THSD7A: variants seen among roughly 807,000 people sequenced by gnomAD.
The protein encoded by THSD7A is thrombospondin type-1 domain-containing protein 7A.
In THSD7A, 96 loss-of-function variants were observed where a neutral mutation model predicts 231.3. The observed-to-expected ratio is 0.41, with a 90% CI of 0.35 to 0.49. The LOEUF (loss-of-function observed/expected upper bound fraction) is 0.49. THSD7A is among the 20% of genes least tolerant of loss of function. The pLI, the probability that THSD7A is intolerant of heterozygous loss-of-function variation, is 0.05. For missense variants in THSD7A, 2,290 were observed against 2,070.2 expected, an observed-to-expected ratio of 1.11 and a Z score of -2.06; for synonymous variants, 940 against 743.3, an observed-to-expected ratio of 1.26 and a Z score of -4.30.
At chr7:11,501,657 A>T (rs1583859126) in intron 6 of THSD7A, among the ~76,000 whole-genome samples, 1 of 152,180 alleles carries the variant, frequency 6.6e-6, no homozygotes, top group Non-Finnish European at 1.5e-5. Flanking sequence ...TCATAGCACT[A>T]AAATGCCCAC....
intron 4 of THSD7A, among the ~76,000 whole-genome samples, chr7:11,557,095 T>A (rs1789878796): frequency 6.6e-6 from 1 of 152,016 alleles, no homozygotes; most frequent in African/African-American, 2.4e-5. Context: ...GGAATTCCAA[T>A]GACATGAATG....
chr7:11,652,255 G>A (rs1279130895), intron 1 of THSD7A, among the ~76,000 whole-genome samples: 3 of 151,882 alleles, frequency 2.0e-5, no homozygotes, highest in African/African-American at 4.8e-5. Context: ...AAAAAGAGAG[G>A]AAAAAATGTC....
chr7:11,460,846 G>A, intron 10 of THSD7A, 81 bp from the exon 11 acceptor site: 3 of 1,110,506 alleles, frequency 2.7e-6, no homozygotes, highest in Admixed American at 2.1e-5. Flanking sequence ...ATGGAAACAT[G>A]ACTTTGACCA....
intron 1 of THSD7A, among the ~76,000 whole-genome samples, chr7:11,682,065 T>C (rs1386073420): frequency 5.9e-5 from 9 of 151,974 alleles, no homozygotes; most frequent in Non-Finnish European, 1.0e-4. Context: ...CTAAGGGAGT[T>C]TGTTACCATC....
intron 1 of THSD7A, among the ~76,000 whole-genome samples, chr7:11,828,173 G>T (rs992006016): frequency 6.6e-6 from 1 of 152,136 alleles, no homozygotes; most frequent in Non-Finnish European, 1.5e-5. Context: ...CTACTTATAA[G>T]TTAAAGTCCA....
At chr7:11,662,610 G>A (rs1010897205) in intron 1 of THSD7A, among the ~76,000 whole-genome samples, 3 of 151,302 alleles carry the variant, frequency 2.0e-5, no homozygotes, top group African/African-American at 4.8e-5. Flanking sequence ...ACTGCATAAC[G>A]AATACCATTT....
chr7:11,644,556 G>A (rs994245842), intron 1 of THSD7A, among the ~76,000 whole-genome samples: 2 of 151,904 alleles, frequency 1.3e-5, no homozygotes, highest in African/African-American at 4.8e-5. Context: ...AGAGATCACT[G>A]TAGATGTCAA....
chr7:11,452,078 A>G (rs1785164895), intron 11 of THSD7A, among the ~76,000 whole-genome samples: 1 of 152,012 alleles, frequency 6.6e-6, no homozygotes, highest in Non-Finnish European at 1.5e-5. Flanking sequence ...CTGTGACCTT[A>G]TTATTAAACT....
chr7:11,571,680 C>A lies in THSD7A; in HGVS notation c.1453+18780G>T, dbSNP rs897181243. On this transcript the variant is annotated intron_variant, in intron 4 of 27. Transcript: ENST00000423059. ...CGTTTGTCATGCTCACTTTTGAAGA[C>A]TATTTTCACCAAATGTAGTCGTTCA... 3.9e-5 allele frequency among the ~76,000 whole-genome samples: 6 copies of A among 152,298 alleles called. 2 individuals carry two copies. Among genetic ancestry groups the A allele is most frequent in the Admixed American group, 6.5e-5 (1 of 15,304 alleles).
In THSD7A at chr7:11,459,665, A is replaced by ATTTT. The variant is rs34415355; in HGVS notation, c.2605+993_2605+996dup. 5.0e-4 allele frequency among the ~76,000 whole-genome samples: 20 copies of ATTTT among 39,916 alleles called. 2 individuals carry two copies. The highest frequency in any genetic ancestry group is 7.3e-4 in the African/African-American group (12 of 16,508). 26.2% of individuals were successfully genotyped at this position (39,916 alleles called of 152,430 possible). On this transcript the variant is annotated intron_variant, in intron 11 of 27. Transcript: ENST00000423059. The stretch of plus-strand genomic sequence containing the variant: ...AAAAGGAAGATTATAAAAACAGGGG[A>ATTTT]TTTTTTTTTTTTTTTTTTTTTTTTT...
In THSD7A at chr7:11,814,761, A is replaced by G. The variant is rs1784628785; in HGVS notation, c.190+16996T>C. ...CAAAGCTCTCCTTATGAATTATTTG[A>G]TTTCATAAATCCAAATCCATTTTGA... On this transcript the variant is annotated intron_variant, in intron 1 of 27. Coordinates refer to ENST00000423059, the MANE Select transcript of THSD7A (RefSeq NM_015204.3). This position sits in a 1 kb window ranked among gnomAD's most constrained non-coding sequence, Gnocchi z 5.1. Among the ~76,000 whole-genome samples, 1 of 152,174 alleles carries G rather than the reference A, an allele frequency of 6.6e-6. No homozygotes were observed. The highest frequency in any genetic ancestry group is 2.1e-4 in the South Asian group (1 of 4,838).
rs537058176 is a variant in THSD7A at position 11,783,355 on chromosome 7, A to G, written c.190+48402T>C. ...GTTGCATATCTCATATAATTTACTG[A>G]AAGTGAAAAACAGAATGGTTGTGTA... On this transcript the variant is annotated intron_variant, in intron 1 of 27. Coordinates refer to ENST00000423059, the MANE Select transcript of THSD7A (RefSeq NM_015204.3). Among the ~76,000 whole-genome samples the G allele has an allele frequency of 3.9e-5, 6 of 152,294 alleles. No individual in the cohort carries two copies. In the East Asian group the frequency reaches 9.6e-4, roughly 24 times the overall value.
In THSD7A at chr7:11,533,198, G is replaced by A. The variant is rs116215999; in HGVS notation, c.1822+8221C>T. ...ATTTAGACTTGGAGAAATTCAGACA[G>A]TTCAGAGTGAAAAAAATGTCCTCTG... On this transcript the variant is annotated intron_variant, in intron 6 of 27. Transcript: ENST00000423059. Among the ~76,000 whole-genome samples, 659 of 152,276 alleles carry A rather than the reference G, an allele frequency of 4.3e-3. 6 individuals are homozygous for A. Among genetic ancestry groups the A allele is most frequent in the African/African-American group, 0.015 (619 of 41,568 alleles).
rs1785178001 is a variant in THSD7A, at chr7:11,831,079, T to C, written c.190+678A>G. ...CTCCAAGCATTTTGCCAATGGGTAATGATGGGCAGTTAGTAGCTGCTTTTG... is the reference window on the plus strand; with the variant it reads ...CTCCAAGCATTTTGCCAATGGGTAACGATGGGCAGTTAGTAGCTGCTTTTG... On this transcript the variant is annotated intron_variant, in intron 1 of 27. Transcript: ENST00000423059. The surrounding 1 kb of genome is among the most constrained non-coding windows in gnomAD (Gnocchi z 5.0). Among the ~76,000 whole-genome samples the C allele has an allele frequency of 6.6e-6, 1 of 152,156 alleles. No individual in the cohort carries two copies. The highest frequency in any genetic ancestry group is 2.4e-5 in the African/African-American group (1 of 41,430).
intron 1 of THSD7A, among the ~76,000 whole-genome samples, chr7:11,750,387 AATC>A (rs1782458766): frequency 6.6e-6 from 1 of 151,930 alleles, no homozygotes; most frequent in Admixed American, 6.6e-5. Flanking sequence ...CTATTAGTGT[AATC>A]ATCATGTGAA....
At chr7:11,561,822 G>A (rs969020368) in intron 4 of THSD7A, among the ~76,000 whole-genome samples, 2 of 152,070 alleles carry the variant, frequency 1.3e-5, no homozygotes, top group African/African-American at 4.8e-5. Flanking sequence ...CTGCATTCCA[G>A]CTTGGGCAAC....
At chr7:11,699,064 C>T (rs1204802319) in intron 1 of THSD7A, among the ~76,000 whole-genome samples, 2 of 148,992 alleles carry the variant, frequency 1.3e-5, no homozygotes, top group Admixed American at 6.7e-5. Context: ...AGTCCAAATA[C>T]AGCACTTTTT....
At chr7:11,496,914 A>T (rs183168856) in intron 6 of THSD7A, among the ~76,000 whole-genome samples, 22 of 152,366 alleles carry the variant, frequency 1.4e-4, no homozygotes, top group African/African-American at 5.0e-4. Context: ...TTATTAGAGC[A>T]GACAATATAG....
At chr7:11,698,386 A>G (rs1376313725) in intron 1 of THSD7A, among the ~76,000 whole-genome samples, 4 of 151,176 alleles carry the variant, frequency 2.6e-5, no homozygotes, top group Non-Finnish European at 4.4e-5. Flanking sequence ...ATTTCATTTC[A>G]GCTTTCATAT....
Sources: gnomAD v4.1 joint callset for allele counts (sites outside exome capture counted in the v4.1 genomes callset) on GRCh38, gnomAD v4.1.1 for gene constraint, Gnocchi (gnomAD v3.1) non-coding constraint, MANE v1.5 for transcripts, NCBI Gene and HGNC (gene_info 2026-07-23, HGNC 2026-07-21) for gene names.